Variants in USHBP1 observed in about 807,000 individuals in gnomAD.
The protein encoded by USHBP1 is USH1 protein network component harmonin binding protein 1.
In USHBP1, 67 loss-of-function variants were observed where a neutral mutation model predicts 76.2. That is an observed-to-expected ratio of 0.88 (90% CI 0.72 to 1.08). The LOEUF is 1.08. USHBP1 is among the 50% of genes least tolerant of loss of function. The pLI is 0.00. For missense variants in USHBP1, 931 were observed against 915.0 expected, an observed-to-expected ratio of 1.02 and a Z score of -0.23; for synonymous variants, 322 against 362.2, an observed-to-expected ratio of 0.89 and a Z score of 1.26.
At chr19:17,251,760 G>A in intron 11 of USHBP1, 56 bp from the exon 12 acceptor site, 3 of 1,605,442 alleles carry the variant, frequency 1.9e-6, no homozygotes. Context: ...TGTTTCCCAG[G>A]TCTCCTCCTA....
chr19:17,262,748 A>G lies in USHBP1; in HGVS notation c.446T>C (p.Phe149Ser). 1 of 1,614,122 alleles carries G rather than the reference A, an allele frequency of 6.2e-7. No individual in the cohort carries two copies. Among genetic ancestry groups the G allele is most frequent in the Non-Finnish European group, 8.5e-7 (1 of 1,179,988 alleles). The change falls in exon 4 of 13, where the codon TTC becomes TCC. Residue 149 changes from phenylalanine to serine, a missense_variant. Phe to Ser is a radical substitution (Grantham distance 155, BLOSUM62 -2). Transcript: ENST00000252597. ...TGCTCCCCCTTCGCTTGTGCCTTCG[A>G]ACTCCATCGGCCCAGAATGGCTGGG... is the stretch of plus-strand genomic sequence containing the variant. ...QPPSHSGPME[F>S]EGTSEGGAGS...
At chr19:17,261,405 G>T (rs1202348401) in intron 4 of USHBP1, among the ~76,000 whole-genome samples, 2 of 145,114 alleles carry the variant, frequency 1.4e-5, no homozygotes, top group East Asian at 2.0e-4. Flanking sequence ...GCGGGATCTC[G>T]GCTCACTGCA....
intron 7 of USHBP1, chr19:17,258,673 C>G: frequency 3.1e-6 from 1 of 327,332 alleles, no homozygotes; most frequent in South Asian, 2.8e-5. Flanking sequence ...GGCACCACTG[C>G]ACTCCAGCCT....
Position 17,258,123 on chromosome 19 carries a change from C to T in USHBP1, c.1220+89G>A, listed in dbSNP as rs1029311447. On this transcript the variant is annotated intron_variant, in intron 8 of 12. Transcript: ENST00000252597. Reference sequence around the variant, plus strand: ...CTTGCTGGACACAGCCACACCAAGCCCCGAAACGTGGTGAGCTCTGGGAGC... The same window carrying T: ...CTTGCTGGACACAGCCACACCAAGCTCCGAAACGTGGTGAGCTCTGGGAGC... 50 of 1,578,492 alleles carry T rather than the reference C, an allele frequency of 3.2e-5. No homozygotes were observed. In the African/African-American group the frequency reaches 6.3e-4, roughly 20 times the overall value.
Position 17,258,318 on chromosome 19 carries a change from C to T in USHBP1, c.1114G>A (p.Glu372Lys), listed in dbSNP as rs148322290. The change falls in exon 8 of 13, where the codon GAA (glutamate) becomes AAA (lysine). Residue 372 changes from glutamate (E) to lysine (K), a missense_variant. Physicochemically the swap from Glu to Lys is moderately conservative, Grantham distance 56. Transcript: ENST00000252597. The stretch of plus-strand genomic sequence containing the variant: ...GCTTGCAGGTCACTCATGGGGGCTT[C>T]GTCTCCTGCTCCTGAGTCGGCCTCC... ...LREADSGAGDEAPMSDLQAAE... is the reference protein window; with the variant it reads ...LREADSGAGDKAPMSDLQAAE... 1.5e-3 allele frequency: 2,467 copies of T among 1,614,046 alleles called. 12 individuals carry two copies. Among genetic ancestry groups the T allele is most frequent in the Non-Finnish European group, 1.1e-3 (1,292 of 1,180,034 alleles).
Position 17,262,817 on chromosome 19 carries a change from A to G in USHBP1, c.377T>C (p.Leu126Pro), listed in dbSNP as rs753559801. ...TGCAGCCGCTGCCTCCAGGGAGCTC[A>G]GAGTGTGCTGGAGGGTCTGAAACAC... ...PDVFQTLQHT[L>P]SSLEAAAAAW... Residue 126 changes from leucine (L) to proline (P), a missense_variant, in exon 4 of 13, where the codon CTG (leucine) becomes CCG (proline). Leu to Pro is a moderately conservative substitution (Grantham distance 98). Transcript: ENST00000252597. 4 of 1,614,220 alleles carry G rather than the reference A, an allele frequency of 2.5e-6. No individual in the cohort carries two copies. The highest frequency in any genetic ancestry group is 3.3e-5 in the Admixed American group (2 of 60,030).
chr19:17,255,468 C>T lies in USHBP1; in HGVS notation c.1609G>A (p.Glu537Lys), dbSNP rs745887827. 1 of 1,613,954 alleles carries T rather than the reference C, an allele frequency of 6.2e-7. No homozygotes were observed. The highest frequency in any genetic ancestry group is 2.2e-5 in the East Asian group (1 of 44,878). ...CTGTTTGCCCCACCAGCCTGGAGCT[C>T]TGCCCGTTCCCACCGCAGCTGCTCC... ...LLEQLRWERA[E>K]LQAGGANSSG... Residue 537 changes from glutamate to lysine, a missense_variant, in exon 10 of 13, where the codon GAG becomes AAG. Transcript: ENST00000252597.
Position 17,259,368 on chromosome 19 carries a change from C to A in USHBP1, c.967G>T (p.Gly323Cys). ...LLSAVLQGYK[G>C]RCEGLSMQLG... ...TGCATGCTGAGGCCTTCACAGCGGC[C>A]CTTGTATCCCTGTAGCACAGCTGAT... Residue 323 changes from glycine to cysteine, a missense_variant, in exon 7 of 13, where the codon GGC (glycine) becomes TGC (cysteine). By Grantham distance (159) the Gly-to-Cys change is radical. Transcript: ENST00000252597. 1 of 1,614,152 alleles carries A rather than the reference C, an allele frequency of 6.2e-7. No individual in the cohort carries two copies. The highest frequency in any genetic ancestry group is 8.5e-7 in the Non-Finnish European group (1 of 1,180,026).
At chr19:17,251,748 C>A (rs1214660333) in intron 11 of USHBP1, 44 bp from the exon 12 acceptor site, 2 of 1,607,890 alleles carry the variant, frequency 1.2e-6, no homozygotes, top group Admixed American at 1.7e-5. Flanking sequence ...CCCAGCCGAT[C>A]CTGTTTCCCA....
At chr19:17,254,378 G>A (rs572954361) in intron 10 of USHBP1, among the ~76,000 whole-genome samples, 3 of 149,010 alleles carry the variant, frequency 2.0e-5, no homozygotes, top group African/African-American at 7.4e-5. Flanking sequence ...TAAATAAGCC[G>A]GGTGCAGTGG....
intron 10 of USHBP1, among the ~76,000 whole-genome samples, chr19:17,253,692 G>T (rs1350190710): frequency 2.0e-5 from 3 of 147,216 alleles, no homozygotes; most frequent in Admixed American, 6.8e-5. Context: ...TCAGGAGTTT[G>T]AGAGCAGCCT....
At chr19:17,251,845 AC>A in intron 11 of USHBP1, 65 bp downstream of exon 11, 1 of 1,514,004 alleles carries the variant, frequency 6.6e-7, no homozygotes, top group Non-Finnish European at 8.8e-7. Flanking sequence ...TGCAGACGAC[AC>A]CCCCGGGGGC....
rs762819371 is a variant in USHBP1 at position 17,250,326 on chromosome 19, G to T, written c.2011C>A (p.Gln671Lys). 1.2e-6 allele frequency: 2 copies of T among 1,613,520 alleles called. No individual in the cohort carries two copies. The highest frequency in any genetic ancestry group is 4.5e-5 in the East Asian group (2 of 44,874). The change falls in exon 13 of 13, where the codon CAG (glutamine) becomes AAG (lysine). Residue 671 changes from glutamine to lysine, a missense_variant. Coordinates refer to ENST00000252597, the MANE Select transcript of USHBP1 (RefSeq NM_031941.4). ...LEQQMALMEA[Q>K]QAEEVAVLEA... ...AGCACCGCCACCTCCTCGGCCTGCT[G>T]AGCCTCCATGAGTGCCATCTGCTGC...
intron 10 of USHBP1, among the ~76,000 whole-genome samples, chr19:17,253,225 C>A (rs2073574691): frequency 6.6e-6 from 1 of 151,930 alleles, no homozygotes; most frequent in Non-Finnish European, 1.5e-5. Context: ...AACTCGGCCT[C>A]CCAAAGTGCT....
At chr19:17,253,729 A>G (rs1191275873) in intron 10 of USHBP1, among the ~76,000 whole-genome samples, 3 of 149,684 alleles carry the variant, frequency 2.0e-5, no homozygotes, top group African/African-American at 7.3e-5. Flanking sequence ...CCCTGTCACT[A>G]CTAAAAATAC....
intron 10 of USHBP1, among the ~76,000 whole-genome samples, chr19:17,253,771 G>A (rs969896571): frequency 2.7e-5 from 4 of 149,670 alleles, no homozygotes; most frequent in African/African-American, 9.8e-5. Context: ...GTGCACGCCT[G>A]TAATTCCAGC....
At chr19:17,257,187 ATTT>A (rs1172967071) in intron 8 of USHBP1, among the ~76,000 whole-genome samples, 1 of 131,524 alleles carries the variant, frequency 7.6e-6, no homozygotes, top group African/African-American at 2.8e-5. Context: ...CGCCCGGCTA[ATTT>A]TTTTTTTTTT....
chr19:17,259,284 C>G lies in USHBP1; in HGVS notation c.1046+5G>C. 1 of 1,599,824 alleles carries G rather than the reference C, an allele frequency of 6.3e-7. No individual in the cohort carries two copies. The highest frequency in any genetic ancestry group is 8.5e-7 in the Non-Finnish European group (1 of 1,172,886). ...CTGGTGACATCACTGGCAGGGTGCA[C>G]TGACCTGTACTGCAAGGCCAGATGC... On this transcript the variant is annotated splice_donor_5th_base_variant and intron_variant, in intron 7 of 12. Transcript: ENST00000252597.
At position 17,250,282 on chromosome 19, in the gene USHBP1, G is replaced by T; in HGVS notation, c.2055C>A (p.Ala685=). The change falls in exon 13 of 13, where the codon GCC becomes GCA. Residue 685 remains alanine (A), a synonymous_variant. Transcript: ENST00000252597. ...GGAGGGGAGGCCTGGGCTTCCCCAG[G>T]GCCCTTGCAGTGGCTTCGAGCACCG... ...EVAVLEATAR[A]LGKPRPPLPP... The T allele has an allele frequency of 3.1e-6, 5 of 1,613,610 alleles. No individual in the cohort carries two copies. The highest frequency in any genetic ancestry group is 4.2e-6 in the Non-Finnish European group (5 of 1,179,918).
Sources: gnomAD v4.1 joint callset for allele counts (sites outside exome capture counted in the v4.1 genomes callset) on GRCh38, gnomAD v4.1.1 for gene constraint, MANE v1.5 for transcripts, NCBI Gene and HGNC (gene_info 2026-07-23, HGNC 2026-07-21) for gene names.